Variants in SDCBP observed in about 807,000 individuals in gnomAD.
SDCBP encodes the protein syntenin-1.
Under a neutral mutation model 30.5 loss-of-function variants are expected in SDCBP, and 22 were observed. That is an observed-to-expected ratio of 0.72 (90% CI 0.52 to 1.03). The LOEUF is 1.03. Among genes scored for constraint, SDCBP ranks in the 50% least tolerant of loss-of-function variants. The probability of loss-of-function intolerance (pLI) is 0.00; values close to 1 mark genes in which losing one functional copy is unlikely to be tolerated. For missense variants in SDCBP, 304 were observed against 369.9 expected, an observed-to-expected ratio of 0.82 and a Z score of 1.46; for synonymous variants, 103 against 118.7, an observed-to-expected ratio of 0.87 and a Z score of 0.86.
chr8:58,576,066 G>A lies in SDCBP; in HGVS notation c.402+5G>A. 6.3e-7 allele frequency: 1 copy of A among 1,592,770 alleles called. No individual in the cohort carries two copies. Among genetic ancestry groups the A allele is most frequent in the Non-Finnish European group, 8.6e-7 (1 of 1,161,984 alleles). On this transcript the variant is annotated splice_donor_5th_base_variant and intron_variant, in intron 5 of 8. Coordinates refer to ENST00000260130, the MANE Select transcript of SDCBP (RefSeq NM_005625.4). ...AGGCTTAAATCAATAGATAATGTAAGTATTTTAAATACCTATTTGAATTTG... is the reference window on the plus strand; with the variant it reads ...AGGCTTAAATCAATAGATAATGTAAATATTTTAAATACCTATTTGAATTTG...
At chr8:58,574,943 C>G (rs1306045648) in intron 4 of SDCBP, among the ~76,000 whole-genome samples, 1 of 152,144 alleles carries the variant, frequency 6.6e-6, no homozygotes, top group East Asian at 1.9e-4. Flanking sequence ...AGTTACTATG[C>G]TGTACATTAG....
chr8:58,581,559 C>T (rs1805681562), intron 8 of SDCBP, 127 bp from the exon 9 acceptor site: 1 of 691,000 alleles, frequency 1.4e-6, no homozygotes, highest in African/African-American at 1.8e-5. Context: ...AGATCTTTCC[C>T]TTCTCTCCAT....
In SDCBP at chr8:58,576,049, A is replaced by C. The variant is rs1369677544; in HGVS notation, c.390A>C (p.Lys130Asn). Residue 130 changes from lysine to asparagine, a missense_variant, in exon 5 of 9, where the codon AAA (lysine) becomes AAC (asparagine). Coordinates refer to ENST00000260130, the MANE Select transcript of SDCBP (RefSeq NM_005625.4). ...DQDGKIGLRL[K>N]SIDNGIFVQL... is the part of the protein sequence containing the mutation. Reference sequence around the variant, plus strand: ...ATGGAAAAATTGGACTCAGGCTTAAATCAATAGATAATGTAAGTATTTTAA... The same window carrying C: ...ATGGAAAAATTGGACTCAGGCTTAACTCAATAGATAATGTAAGTATTTTAA... The C allele has an allele frequency of 1.9e-6, 3 of 1,609,818 alleles. No individual in the cohort carries two copies. Among genetic ancestry groups the C allele is most frequent in the Middle Eastern group, 1.7e-4 (1 of 6,046 alleles).
At chr8:58,571,712 T>A (rs917164511) in intron 3 of SDCBP, among the ~76,000 whole-genome samples, 2 of 152,302 alleles carry the variant, frequency 1.3e-5, no homozygotes, top group East Asian at 3.9e-4. Context: ...TGGTTAAAAT[T>A]ATTAAAATGA....
chr8:58,581,597 T>C (rs918072119), intron 8 of SDCBP, 89 bp from the exon 9 acceptor site: 1 of 939,120 alleles, frequency 1.1e-6, no homozygotes, highest in Non-Finnish European at 1.7e-6. Context: ...AGGTGCTAAA[T>C]TGGAATTGGG....
chr8:58,566,946 G>T (rs1585690489), intron 2 of SDCBP, among the ~76,000 whole-genome samples: 1 of 152,116 alleles, frequency 6.6e-6, no homozygotes, highest in Non-Finnish European at 1.5e-5. Context: ...AGAGCCTGTG[G>T]TTTCCTCTAC....
intron 1 of SDCBP, among the ~76,000 whole-genome samples, chr8:58,557,077 AT>A (rs1216721529): frequency 7.8e-6 from 1 of 128,904 alleles, no homozygotes. Flanking sequence ...ATAGTATAGT[AT>A]AGTATAATTT....
rs758040120 is a variant in SDCBP, at chr8:58,578,221, TA to T, written c.578+16del. The T allele has an allele frequency of 5.4e-6, 8 of 1,488,008 alleles. No individual in the cohort carries two copies. In the Admixed American group the frequency reaches 2.0e-4, roughly 37 times the overall value. The allele number at this position is 1,488,008 out of a possible 1,614,324, so 92.2% of individuals were successfully genotyped here. On this transcript the variant is annotated intron_variant, in intron 6 of 8. Transcript: ENST00000260130. ...CCATTCGTGACAGGTAAGCTGTTAC[TA>T]AACAGCTCAAATGAAAATTCAATAC...
chr8:58,566,128 T>A (rs1804698102), intron 2 of SDCBP, among the ~76,000 whole-genome samples: 1 of 152,186 alleles, frequency 6.6e-6, no homozygotes, highest in Non-Finnish European at 1.5e-5. Context: ...TCCTATCACT[T>A]CTTTAGTATT....
At chr8:58,564,652 G>A (rs1203486236) in intron 1 of SDCBP, among the ~76,000 whole-genome samples, 3 of 152,208 alleles carry the variant, frequency 2.0e-5, no homozygotes, top group African/African-American at 4.8e-5. Context: ...CAAGGGCATT[G>A]TACTAAGGGT....
At position 58,575,993 on chromosome 8, in the gene SDCBP, AT is replaced by A. The variant is rs1482905510; in HGVS notation, c.336del (p.Arg113ValfsTer20). 6.2e-7 allele frequency: 1 copy of A among 1,613,584 alleles called. No homozygotes were observed. Among genetic ancestry groups the A allele is most frequent in the African/African-American group, 1.3e-5 (1 of 74,916 alleles). ...TCGTAGAGCAGAAATTAAGCAAGGG[AT>A]TCGTGAAGTCATTTTGTGTAAGGAT... is the stretch of plus-strand genomic sequence containing the variant. ...GIRRAEIKQG[I>X]REVILCKDQD... On this transcript the variant is annotated frameshift_variant, in exon 5 of 9. Coordinates refer to ENST00000260130, the MANE Select transcript of SDCBP (RefSeq NM_005625.4). LOFTEE classifies it high-confidence loss of function.
At chr8:58,578,841 A>T in intron 6 of SDCBP, among the ~76,000 whole-genome samples, 1 of 152,092 alleles carries the variant, frequency 6.6e-6, no homozygotes. Flanking sequence ...CCAGTTTCTC[A>T]TTCAGTTTAG....
intron 4 of SDCBP, among the ~76,000 whole-genome samples, chr8:58,574,984 G>A (rs2129608169): frequency 6.6e-6 from 1 of 152,246 alleles, no homozygotes; most frequent in African/African-American, 2.4e-5. Context: ...TGATAACTGA[G>A]AAAGTTTGTA....
intron 2 of SDCBP, among the ~76,000 whole-genome samples, chr8:58,566,049 T>C (rs769871678): frequency 1.3e-5 from 2 of 152,176 alleles, no homozygotes; most frequent in African/African-American, 2.4e-5. Context: ...CTCTAAAATC[T>C]ACAGTTCAGC....
chr8:58,579,559 T>TTTA, intron 6 of SDCBP, 64 bp from the exon 7 acceptor site: 1 of 1,271,074 alleles, frequency 7.9e-7, no homozygotes. Flanking sequence ...ATTTATGCTA[T>TTTA]ATGAAATCCA....
intron 1 of SDCBP, among the ~76,000 whole-genome samples, chr8:58,563,217 T>A (rs1804528906): frequency 6.6e-6 from 1 of 152,130 alleles, no homozygotes; most frequent in Non-Finnish European, 1.5e-5. Flanking sequence ...ATAAATATAA[T>A]GTGGTATACA....
Position 58,578,045 on chromosome 8 carries a change from C to A in SDCBP, c.415C>A (p.Gln139Lys). The change falls in exon 6 of 9, where the codon CAG becomes AAG. Residue 139 changes from glutamine (Q) to lysine (K), a missense_variant. Coordinates refer to ENST00000260130, the MANE Select transcript of SDCBP (RefSeq NM_005625.4). Reference protein sequence around the residue: ...LKSIDNGIFVQLVQANSPASL... With the variant: ...LKSIDNGIFVKLVQANSPASL... ...TCTTATTATCTAGGGTATATTTGTT[C>A]AGCTAGTCCAGGCTAATTCTCCAGC... 1 of 1,612,694 alleles carries A rather than the reference C, an allele frequency of 6.2e-7. No individual in the cohort carries two copies. Among genetic ancestry groups the A allele is most frequent in the Non-Finnish European group, 8.5e-7 (1 of 1,178,956 alleles).
chr8:58,574,128 G>A (rs908287041), intron 4 of SDCBP, among the ~76,000 whole-genome samples: 1 of 152,108 alleles, frequency 6.6e-6, no homozygotes, highest in Non-Finnish European at 1.5e-5. Flanking sequence ...TATAAATGAA[G>A]TTGCTCTCAC....
At chr8:58,573,154 G>A (rs1445430701) in intron 4 of SDCBP, among the ~76,000 whole-genome samples, 1 of 152,036 alleles carries the variant, frequency 6.6e-6, no homozygotes, top group Admixed American at 6.6e-5. Context: ...AAAGCTCCAT[G>A]TAATTAGACT....
Sources: gnomAD v4.1 joint callset for allele counts (sites outside exome capture counted in the v4.1 genomes callset) on GRCh38, gnomAD v4.1.1 for gene constraint, MANE v1.5 for transcripts, NCBI Gene and HGNC (gene_info 2026-07-23, HGNC 2026-07-21) for gene names.